Variants in DIP2C observed in about 807,000 individuals in gnomAD.
DIP2C encodes the protein disco-interacting protein 2 homolog C.
In DIP2C, 33 loss-of-function variants were observed where a neutral mutation model predicts 192.4. That is an observed-to-expected ratio of 0.17 (90% confidence interval 0.13 to 0.23). The LOEUF (loss-of-function observed/expected upper bound fraction) is 0.23, where lower values mean the gene tolerates loss of function less well. Among genes scored for constraint, DIP2C ranks in the 10% least tolerant of loss-of-function variants. The pLI, the probability that DIP2C is intolerant of heterozygous loss-of-function variation, is 1.00. For missense variants in DIP2C, 1,537 were observed against 2,110.1 expected (o/e 0.73, Z 5.32); for synonymous variants, 979 against 864.1 (o/e 1.13, Z -2.33).
intron 1 of DIP2C, among the ~76,000 whole-genome samples, chr10:523,959 C>A (rs1846894239): frequency 6.6e-6 from 1 of 152,188 alleles, no homozygotes; most frequent in Non-Finnish European, 1.5e-5. Flanking sequence ...CCAAGGGGAT[C>A]TCAGAGTTTG....
rs192665413 is a variant in DIP2C, at chr10:573,092, T to A, written c.86-86562A>T. ...TCGGAGGGAAATGCTACAAAGCACG[T>A]ACATTTTAGCATGTAAGTGAATTAT... On this transcript the variant is annotated intron_variant, in intron 1 of 36. Coordinates refer to ENST00000280886, the MANE Select transcript of DIP2C (RefSeq NM_014974.3). Among the ~76,000 whole-genome samples, 468 of 152,290 alleles carry A rather than the reference T, an allele frequency of 3.1e-3. 6 individuals are homozygous for A. Among genetic ancestry groups the A allele is most frequent in the Non-Finnish European group, 2.6e-3 (177 of 68,024 alleles).
chr10:666,448 G>A lies in DIP2C; in HGVS notation c.85+23046C>T, dbSNP rs1857096113. 6.7e-6 allele frequency: 1 copy of A among 148,490 alleles called. No individual in the cohort carries two copies. The highest frequency in any genetic ancestry group is 1.5e-5 in the Non-Finnish European group (1 of 67,174). 9.2% of individuals were successfully genotyped at this position (148,490 alleles called of 1,614,324 possible). A position where few individuals can be genotyped will look rare whatever the true frequency, so the allele number is the denominator to read the frequency against. ...GGGAATCCACTGGCACCCAGAGCCC[G>A]GCCCGCGGCAGCAGAATCACCCAAG... On this transcript the variant is annotated intron_variant, in intron 1 of 36. Coordinates refer to ENST00000280886, the MANE Select transcript of DIP2C (RefSeq NM_014974.3). The surrounding 1 kb of genome is among the most constrained non-coding windows in gnomAD (Gnocchi z 4.1).
intron 1 of DIP2C, among the ~76,000 whole-genome samples, chr10:533,578 G>A (rs1187558059): frequency 6.6e-6 from 1 of 150,938 alleles, no homozygotes; most frequent in Non-Finnish European, 1.5e-5. Flanking sequence ...AAATTACTAA[G>A]CTAAAGGGAA....
chr10:321,029 G>A (rs1011457560), intron 31 of DIP2C, among the ~76,000 whole-genome samples: 3 of 143,626 alleles, frequency 2.1e-5, no homozygotes, highest in African/African-American at 7.9e-5. Context: ...AGGAAAGACT[G>A]CATGAGAAAG....
intron 29 of DIP2C, among the ~76,000 whole-genome samples, chr10:330,708 G>A (rs1003452722): frequency 2.0e-5 from 3 of 151,712 alleles, no homozygotes; most frequent in African/African-American, 7.3e-5. Context: ...TGAACTTCGG[G>A]GCTCAAGCAA....
intron 1 of DIP2C, among the ~76,000 whole-genome samples, chr10:614,123 T>C (rs1163406391): frequency 6.6e-6 from 1 of 152,206 alleles, no homozygotes; most frequent in Admixed American, 6.5e-5. Context: ...CAACGCTGCA[T>C]TCTCTTTGCC....
chr10:385,638 ACTGGCTAGTAC>A (rs1367926675), intron 14 of DIP2C, among the ~76,000 whole-genome samples: 1 of 152,164 alleles, frequency 6.6e-6, no homozygotes, highest in Non-Finnish European at 1.5e-5. Context: ...ACTGGGAAAC[ACTGGCTAGTAC>A]CTGCACGCTG....
At chr10:490,425 C>T (rs1169563346) in intron 1 of DIP2C, among the ~76,000 whole-genome samples, 1 of 152,224 alleles carries the variant, frequency 6.6e-6, no homozygotes, top group Admixed American at 6.5e-5. Flanking sequence ...GTATCCACTG[C>T]TCACAGCCTG....
chr10:515,961 A>G (rs1299415896), intron 1 of DIP2C, among the ~76,000 whole-genome samples: 1 of 152,048 alleles, frequency 6.6e-6, no homozygotes, highest in Non-Finnish European at 1.5e-5. Context: ...TTAGCTGCAG[A>G]AAGTGATGGC....
chr10:483,214 G>A (rs1843736319), intron 2 of DIP2C, among the ~76,000 whole-genome samples: 1 of 152,214 alleles, frequency 6.6e-6, no homozygotes, highest in Admixed American at 6.5e-5. Context: ...GAATAGGAAT[G>A]TAAATGTTAG....
At chr10:364,747 C>G (rs1287669110) in intron 19 of DIP2C, among the ~76,000 whole-genome samples, 165 bp from the exon 20 acceptor site, 3 of 152,340 alleles carry the variant, frequency 2.0e-5, no homozygotes, top group East Asian at 3.9e-4. Flanking sequence ...GGCCAACAGT[C>G]TTCGAGGCAG....
intron 3 of DIP2C, 21 bp from the exon 4 acceptor site, chr10:441,017 T>TCACTCAGTGCTCAGC (rs752510845): frequency 6.2e-7 from 1 of 1,606,984 alleles, no homozygotes; most frequent in South Asian, 1.1e-5. Context: ...GAGAGCTCAG[T>TCACTCAGTGCTCAGC]CACTCAGTGC....
Position 406,843 on chromosome 10 carries a change from G to A in DIP2C, c.1149+2083C>T, listed in dbSNP as rs564771050. On this transcript the variant is annotated intron_variant, in intron 9 of 36. Transcript: ENST00000280886. ...ATAAAACCTAAGATCAGTGCTGGAG[G>A]TATTCTGCAGACCCTGCACTGGATG... 7.9e-5 allele frequency among the ~76,000 whole-genome samples: 12 copies of A among 152,182 alleles called. No homozygotes were observed. In the East Asian group the frequency reaches 1.2e-3, roughly 15 times the overall value.
At position 275,469 on chromosome 10, in the gene DIP2C, ACTT is replaced by A. The variant is rs1448850758; in HGVS notation, c.*1853_*1855del. On this transcript the variant is annotated 3_prime_UTR_variant, in exon 37 of 37. Transcript: ENST00000280886. ...GCAGACACATTTTTTTAAATGTGCC[ACTT>A]TTTTTTTTTTTTTTTTTTTAACAAC... 2 of 108,692 alleles carry A rather than the reference ACTT, an allele frequency of 1.8e-5. No homozygotes were observed. Among genetic ancestry groups the A allele is most frequent in the Non-Finnish European group, 3.6e-5 (2 of 55,666 alleles). 6.7% of individuals were successfully genotyped at this position (108,692 alleles called of 1,614,324 possible).
intron 4 of DIP2C, among the ~76,000 whole-genome samples, chr10:438,594 G>A (rs1967466553): frequency 6.6e-6 from 1 of 151,790 alleles, no homozygotes; most frequent in Non-Finnish European, 1.5e-5. Context: ...GGGCCCAAGT[G>A]ATCCTCCCAC....
chr10:289,611 C>T (rs1425427096), intron 32 of DIP2C, among the ~76,000 whole-genome samples: 2 of 152,142 alleles, frequency 1.3e-5, no homozygotes, highest in East Asian at 3.9e-4. Flanking sequence ...CTTATGCACT[C>T]GACACAGCAG....
At chr10:420,812 C>A (rs188751919) in intron 5 of DIP2C, among the ~76,000 whole-genome samples, 3 of 152,190 alleles carry the variant, frequency 2.0e-5, no homozygotes, top group African/African-American at 4.8e-5. Context: ...CCTGAGTCTG[C>A]AGCCCTGGGC....
chr10:345,026 T>G lies in DIP2C; in HGVS notation c.3316A>C (p.Arg1106=). Residue 1106 remains arginine (R), a synonymous_variant, in exon 27 of 37, where the codon AGG becomes CGG. Transcript: ENST00000280886. ...SREAAAAVDV[R]TWPLILDTDD... ...GTGTCCAGGATGAGGGGCCACGTCC[T>G]GACGTCCACAGCCGCCGCCGCCTCC... is the stretch of plus-strand genomic sequence containing the variant. 6.2e-7 allele frequency: 1 copy of G among 1,613,370 alleles called. No homozygotes were observed. Among genetic ancestry groups the G allele is most frequent in the Non-Finnish European group, 8.5e-7 (1 of 1,179,872 alleles).
At chr10:556,719 G>GACTC (rs1848894091) in intron 1 of DIP2C, among the ~76,000 whole-genome samples, 1 of 152,018 alleles carries the variant, frequency 6.6e-6, no homozygotes, top group South Asian at 2.1e-4. Context: ...AACAGCCCCA[G>GACTC]ACTCACCCCC....
Sources: gnomAD v4.1 joint callset for allele counts (sites outside exome capture counted in the v4.1 genomes callset) on GRCh38, gnomAD v4.1.1 for gene constraint, Gnocchi (gnomAD v3.1) non-coding constraint, MANE v1.5 for transcripts, NCBI Gene and HGNC (gene_info 2026-07-23, HGNC 2026-07-21) for gene names.